The following FXYD2 variants were observed in gnomAD, a reference collection of about 807,000 sequenced individuals.
The protein encoded by FXYD2 is sodium/potassium-transporting ATPase subunit gamma.
In FXYD2, 8 loss-of-function variants were observed where a neutral mutation model predicts 11.8. That is an observed-to-expected ratio of 0.68 (90% CI 0.40 to 1.22). The LOEUF is 1.22. FXYD2 is among the 50% of genes most tolerant of loss of function. FXYD2 has a pLI of 0.01. For synonymous variants in FXYD2, 42 were observed against 33.3 expected (o/e 1.26, Z -0.90); for missense variants, 92 against 91.8 (o/e 1.00, Z -0.01).
rs118137703 is a variant in FXYD2, at chr11:117,822,543, G to A, written c.65-63C>T. On this transcript the variant is annotated intron_variant, in intron 2 of 5. Transcript: ENST00000292079. This position sits in a 1 kb window ranked among gnomAD's most constrained non-coding sequence, Gnocchi z 4.7. ...TCTCTCCCAGCAGCTGTCTCTCTCC[G>A]CAGCCTGCCCGCAGCAGCCCGTGGT... 36,032 of 1,556,556 alleles carry A rather than the reference G, an allele frequency of 0.023. 498 individuals are homozygous for A. The highest frequency in any genetic ancestry group is 0.028 in the Non-Finnish European group (31,891 of 1,149,460).
chr11:117,822,521 C>G lies in FXYD2; in HGVS notation c.65-41G>C. 6.4e-7 allele frequency: 1 copy of G among 1,555,856 alleles called. No homozygotes were observed. Among genetic ancestry groups the G allele is most frequent in the Non-Finnish European group, 8.7e-7 (1 of 1,149,054 alleles). On this transcript the variant is annotated intron_variant, in intron 2 of 5. Transcript: ENST00000292079. The surrounding 1 kb of genome is among the most constrained non-coding windows in gnomAD (Gnocchi z 4.7). Reference sequence around the variant, plus strand: ...GCAAGAGGAGCGGGATGGGTGGTCTCTCCCAGCAGCTGTCTCTCTCCGCAG... The same window carrying G: ...GCAAGAGGAGCGGGATGGGTGGTCTGTCCCAGCAGCTGTCTCTCTCCGCAG...
upstream of FXYD2, among the ~76,000 whole-genome samples, chr11:117,827,011 A>C (rs777868012): frequency 2.0e-5 from 3 of 151,542 alleles, no homozygotes; most frequent in Non-Finnish European, 4.4e-5. Context: ...GTGTGGATGG[A>C]AGGGCTCCCA....
chr11:117,824,501 T>TA lies in FXYD2; in HGVS notation c.25+152dup. On this transcript the variant is annotated intron_variant, in intron 1 of 5. Coordinates refer to ENST00000292079, the MANE Select transcript of FXYD2 (RefSeq NM_001680.5). The surrounding 1 kb of genome is among the most constrained non-coding windows in gnomAD (Gnocchi z 4.0). ...TCCTCCTTTAAGTTGCAAATTTTCTTAGAGAGGAGGCCGACAGGAAGAGGG... is the reference window on the plus strand; with the variant it reads ...TCCTCCTTTAAGTTGCAAATTTTCTTAAGAGAGGAGGCCGACAGGAAGAGGG... 1 of 711,346 alleles carries TA rather than the reference T, an allele frequency of 1.4e-6. No individual in the cohort carries two copies. The highest frequency in any genetic ancestry group is 2.6e-6 in the Non-Finnish European group (1 of 391,306). 44.1% of individuals were successfully genotyped at this position (711,346 alleles called of 1,614,324 possible). A position where few individuals can be genotyped will look rare whatever the true frequency, so the allele number is the denominator to read the frequency against.
chr11:117,820,325 T>A lies in FXYD2; in HGVS notation c.*54A>T, dbSNP rs187180617. ...AGGGGAGGCGCCAGAGGCAGGGCCA[T>A]GCTTGGCTTCCCAGCTGGCCCCAGT... On this transcript the variant is annotated 3_prime_UTR_variant, in exon 6 of 6. Coordinates refer to ENST00000292079, the MANE Select transcript of FXYD2 (RefSeq NM_001680.5). 1.1e-4 allele frequency: 41 copies of A among 385,192 alleles called. No individual in the cohort carries two copies. Among genetic ancestry groups the A allele is most frequent in the Non-Finnish European group, 1.4e-5 (3 of 213,832 alleles). The allele number at this position is 385,192 out of a possible 1,614,324, so 23.9% of individuals were successfully genotyped here. A position where few individuals can be genotyped will look rare whatever the true frequency, so the allele number is the denominator to read the frequency against.
chr11:117,821,938 G>C (rs549941834), intron 3 of FXYD2: 267 of 1,041,170 alleles, frequency 2.6e-4, no homozygotes, highest in Non-Finnish European at 3.0e-4. Flanking sequence ...GCCCCTCGGG[G>C]CTTGAGGATA....
chr11:117,821,956 C>A, intron 3 of FXYD2: 1 of 1,061,394 alleles, frequency 9.4e-7, no homozygotes, highest in Non-Finnish European at 1.1e-6. Context: ...ATACATAACT[C>A]TCTTTGTCTC....
At chr11:117,821,768 C>G in intron 3 of FXYD2, 1 of 987,802 alleles carries the variant, frequency 1.0e-6, no homozygotes, top group Non-Finnish European at 1.2e-6. Context: ...GACTGTGGCC[C>G]GAGCCTTGGG....
upstream of FXYD2, chr11:117,827,857 T>C: frequency 1.4e-6 from 1 of 725,988 alleles, no homozygotes; most frequent in Admixed American, 2.0e-5. Flanking sequence ...GGAGATGCTC[T>C]TTTTTGGAAA....
chr11:117,822,818 A>G lies in FXYD2; in HGVS notation c.26-101T>C, dbSNP rs1045467136. 6.0e-6 allele frequency: 9 copies of G among 1,502,486 alleles called. No individual in the cohort carries two copies. The African/African-American group carries it at 1.1e-4, about 18-fold the overall frequency. The allele number at this position is 1,502,486 out of a possible 1,614,324, so 93.1% of individuals were successfully genotyped here. On this transcript the variant is annotated intron_variant, in intron 1 of 5. Transcript: ENST00000292079. The surrounding 1 kb of genome is among the most constrained non-coding windows in gnomAD (Gnocchi z 4.7). The stretch of plus-strand genomic sequence containing the variant: ...TCCTTCCCTTCCCAGAGGACCCTCG[A>G]GGGTCCAAGCAGGCGAGGGGAGGCT...
Position 117,824,743 on chromosome 11 carries a change from C to T in FXYD2, c.-65G>A. The T allele has an allele frequency of 1.9e-6, 3 of 1,602,914 alleles. No individual in the cohort carries two copies. Among genetic ancestry groups the T allele is most frequent in the Non-Finnish European group, 2.6e-6 (3 of 1,174,962 alleles). ...GCTGTCTCTGCTTTTTGGAGAGTGT[C>T]TGGCTGCCTCCACGGGGTGGCCGGG... is the stretch of plus-strand genomic sequence containing the variant. On this transcript the variant is annotated 5_prime_UTR_variant, in exon 1 of 6. Transcript: ENST00000292079. The surrounding 1 kb of genome is among the most constrained non-coding windows in gnomAD (Gnocchi z 4.0).
At position 117,822,840 on chromosome 11, in the gene FXYD2, G is replaced by GA; in HGVS notation, c.26-124_26-123insT. 1 of 1,345,848 alleles carries GA rather than the reference G, an allele frequency of 7.4e-7. No homozygotes were observed. The highest frequency in any genetic ancestry group is 1.0e-6 in the Non-Finnish European group (1 of 971,980). The allele number at this position is 1,345,848 out of a possible 1,614,324, so 83.4% of individuals were successfully genotyped here. A position where few individuals can be genotyped will look rare whatever the true frequency, so the allele number is the denominator to read the frequency against. ...TCGAGGGTCCAAGCAGGCGAGGGGA[G>GA]GCTGGGAGCAGGGGTGTTGCTAAAA... is the stretch of plus-strand genomic sequence containing the variant. On this transcript the variant is annotated intron_variant, in intron 1 of 5. Coordinates refer to ENST00000292079, the MANE Select transcript of FXYD2 (RefSeq NM_001680.5). The surrounding 1 kb of genome is among the most constrained non-coding windows in gnomAD (Gnocchi z 4.7).
At position 117,822,693 on chromosome 11, in the gene FXYD2, T is replaced by A. The variant is rs1422229409; in HGVS notation, c.50A>T (p.Asp17Val). The A allele has an allele frequency of 6.2e-7, 1 of 1,610,516 alleles. No individual in the cohort carries two copies. Residue 17 changes from aspartate (D) to valine (V), a missense_variant, in exon 2 of 6, where the codon GAC becomes GTC. By Grantham distance (152) the Asp-to-Val change is radical. Transcript: ENST00000292079. The surrounding 1 kb of genome is among the most constrained non-coding windows in gnomAD (Gnocchi z 4.7). ...DGGGSPKGDV[D>V]PFYYDYETVR... Reference sequence around the variant, plus strand: ...CCCAGGCTTACCATAGTAGAACGGGTCCACGTCCCCCTTGGGGCTGCCGCC... The same window carrying A: ...CCCAGGCTTACCATAGTAGAACGGGACCACGTCCCCCTTGGGGCTGCCGCC...
intron 3 of FXYD2, chr11:117,821,585 C>T (rs965207610): frequency 8.1e-6 from 8 of 986,128 alleles, no homozygotes; most frequent in Non-Finnish European, 9.6e-6. Flanking sequence ...CCACCTGCCT[C>T]CTGTGCCTAT....
At chr11:117,823,311 C>T (rs1194299866) in intron 1 of FXYD2, among the ~76,000 whole-genome samples, 2 of 152,106 alleles carry the variant, frequency 1.3e-5, no homozygotes, top group East Asian at 1.9e-4. Context: ...ACTAACAAAC[C>T]CTAACTCATC....
At chr11:117,823,275 T>C (rs1400602175) in intron 1 of FXYD2, among the ~76,000 whole-genome samples, 1 of 152,216 alleles carries the variant, frequency 6.6e-6, no homozygotes, top group Non-Finnish European at 1.5e-5. Flanking sequence ...CATTAATATA[T>C]AGTGCTGGTC....
At position 117,824,232 on chromosome 11, in the gene FXYD2, T is replaced by G; in HGVS notation, c.25+422A>C. The G allele has an allele frequency of 1.1e-5, 3 of 278,848 alleles. No homozygotes were observed. The highest frequency in any genetic ancestry group is 8.0e-5 in the East Asian group (1 of 12,508). The allele number at this position is 278,848 out of a possible 1,614,324, so 17.3% of individuals were successfully genotyped here. On this transcript the variant is annotated intron_variant, in intron 1 of 5. Transcript: ENST00000292079. This position sits in a 1 kb window ranked among gnomAD's most constrained non-coding sequence, Gnocchi z 4.0. ...CCTGTGACAGGAAGCCTTTGGAGAG[T>G]GTGACTTGAACTTGGCGGGCTCTCA...
In FXYD2 at chr11:117,822,321, A is replaced by G. The variant is rs12280904; in HGVS notation, c.139+85T>C. 4.7e-3 allele frequency: 7,230 copies of G among 1,548,514 alleles called. 275 individuals carry two copies. The African/African-American group carries it at 0.088, about 19-fold the overall frequency. ...TGGGGAGGCTCACCCCTCCCTTGGC[A>G]ACTCCCGAAAGCCAGCCTGCTCAGC... On this transcript the variant is annotated intron_variant, in intron 3 of 5. Transcript: ENST00000292079. The surrounding 1 kb of genome is among the most constrained non-coding windows in gnomAD (Gnocchi z 4.7).
Position 117,820,317 on chromosome 11 carries a change from C to A in FXYD2, c.*62G>T. On this transcript the variant is annotated 3_prime_UTR_variant, in exon 6 of 6. Transcript: ENST00000292079. The stretch of plus-strand genomic sequence containing the variant: ...AGGGAAGAAGGGGAGGCGCCAGAGG[C>A]AGGGCCATGCTTGGCTTCCCAGCTG... The A allele has an allele frequency of 2.7e-6, 1 of 366,088 alleles. No homozygotes were observed. The allele number at this position is 366,088 out of a possible 1,614,324, so 22.7% of individuals were successfully genotyped here.
chr11:117,827,999 G>T, upstream of FXYD2: 1 of 1,547,784 alleles, frequency 6.5e-7, no homozygotes, highest in Non-Finnish European at 8.7e-7. Flanking sequence ...ACTCACCCAG[G>T]TACCACCTGT....
Sources: gnomAD v4.1 joint callset for allele counts (sites outside exome capture counted in the v4.1 genomes callset) on GRCh38, gnomAD v4.1.1 for gene constraint, Gnocchi (gnomAD v3.1) non-coding constraint, MANE v1.5 for transcripts, NCBI Gene and HGNC (gene_info 2026-07-23, HGNC 2026-07-21) for gene names.